AXIN1: variants seen among roughly 807,000 people sequenced by gnomAD.
AXIN1 encodes the protein axin-1.
In AXIN1, 30 loss-of-function variants were observed where a neutral mutation model predicts 76.4. The observed-to-expected ratio is 0.39, with a 90% CI of 0.29 to 0.53. The LOEUF is 0.53. Ranked by LOEUF, AXIN1 falls within the 20% of genes least tolerant of loss-of-function variation. The probability of loss-of-function intolerance (pLI) is 0.66; values close to 1 mark genes in which losing one functional copy is unlikely to be tolerated. For synonymous variants in AXIN1, 545 were observed against 501.4 expected, an observed-to-expected ratio of 1.09 and a Z score of -1.16; for missense variants, 1,140 against 1,198.8, an observed-to-expected ratio of 0.95 and a Z score of 0.72.
At position 291,189 on chromosome 16, in the gene AXIN1, C is replaced by T. The variant is rs760732758; in HGVS notation, c.2294+1G>A. On this transcript the variant is annotated splice_donor_variant, in intron 9 of 10. Transcript: ENST00000262320. LOFTEE classifies it high-confidence loss of function. ...CGGGAGGACCCTCAGGACGCACGTA[C>T]TCTGTCTCGGAGAGCTCCATGTCCG... 3.2e-6 allele frequency: 5 copies of T among 1,578,638 alleles called. No individual in the cohort carries two copies. Among genetic ancestry groups the T allele is most frequent in the African/African-American group, 1.3e-5 (1 of 74,588 alleles).
chr16:309,292 T>G (rs2053111139), intron 4 of AXIN1, among the ~76,000 whole-genome samples: 1 of 108,750 alleles, frequency 9.2e-6, no homozygotes, highest in Non-Finnish European at 1.9e-5. Flanking sequence ...AACTCCTATC[T>G]CAAAAAAAAA....
chr16:301,782 C>T (rs754755266), intron 5 of AXIN1, among the ~76,000 whole-genome samples: 1 of 152,118 alleles, frequency 6.6e-6, no homozygotes, highest in Non-Finnish European at 1.5e-5. Flanking sequence ...GGCCGGCGAC[C>T]GACACAACAA....
In AXIN1 at chr16:316,424, G is replaced by A. The variant is rs138131097; in HGVS notation, c.879-1741C>T. ...TCAAAGGCATGTGCCCCTTCCGGGCGCTCTGCTGTGCTGCCAACCAACTGG... is the reference window on the plus strand; with the variant it reads ...TCAAAGGCATGTGCCCCTTCCGGGCACTCTGCTGTGCTGCCAACCAACTGG... On this transcript the variant is annotated intron_variant, in intron 2 of 10. Coordinates refer to ENST00000262320, the MANE Select transcript of AXIN1 (RefSeq NM_003502.4). 2.9e-3 allele frequency among the ~76,000 whole-genome samples: 447 copies of A among 152,306 alleles called. 2 individuals carry two copies. Among genetic ancestry groups the A allele is most frequent in the African/African-American group, 0.01 (422 of 41,580 alleles).
intron 4 of AXIN1, 69 bp downstream of exon 4, chr16:309,904 G>A (rs1444263388): frequency 6.0e-6 from 9 of 1,506,242 alleles, no homozygotes; most frequent in African/African-American, 5.5e-5. Flanking sequence ...CCTTTCCCGC[G>A]GACCAGTTCA....
At chr16:342,949 C>T (rs2053958972) in intron 2 of AXIN1, among the ~76,000 whole-genome samples, 2 of 152,374 alleles carry the variant, frequency 1.3e-5, no homozygotes, top group Admixed American at 6.5e-5. Flanking sequence ...CCCTCACCTA[C>T]ACCTGGCAGG....
chr16:310,977 C>T (rs894698878), intron 3 of AXIN1, among the ~76,000 whole-genome samples: 1 of 152,238 alleles, frequency 6.6e-6, no homozygotes, highest in Non-Finnish European at 1.5e-5. Flanking sequence ...CAGGAGCTGG[C>T]AGGGCAGTGT....
At chr16:347,928 C>G (rs1421168528) in intron 1 of AXIN1, among the ~76,000 whole-genome samples, 1 of 152,196 alleles carries the variant, frequency 6.6e-6, no homozygotes, top group African/African-American at 2.4e-5. Context: ...ATGGGTACTT[C>G]AAGGAACAGA....
chr16:334,435 C>A (rs1423930746), intron 2 of AXIN1, among the ~76,000 whole-genome samples: 3 of 150,314 alleles, frequency 2.0e-5, no homozygotes, highest in Non-Finnish European at 4.4e-5. Flanking sequence ...TTACACAGCA[C>A]CCAATACCAC....
intron 2 of AXIN1, among the ~76,000 whole-genome samples, chr16:314,943 C>T (rs1390160787): frequency 2.0e-5 from 3 of 152,174 alleles, no homozygotes; most frequent in Non-Finnish European, 4.4e-5. Flanking sequence ...GGTGCACACA[C>T]AGAGCATCCA....
intron 7 of AXIN1, among the ~76,000 whole-genome samples, chr16:294,495 CG>C (rs1429400189): frequency 6.8e-6 from 1 of 146,452 alleles, no homozygotes; most frequent in African/African-American, 2.6e-5. Context: ...TGGCCAGGCG[CG>C]GTAATCCCAG....
At chr16:298,951 TAG>T (rs1342948638) in intron 5 of AXIN1, 1 of 420,976 alleles carries the variant, frequency 2.4e-6, no homozygotes, top group Non-Finnish European at 3.2e-6. Context: ...GTATTTTTAG[TAG>T]AGACAGGATT....
At chr16:305,090 G>T (rs1252333145) in intron 4 of AXIN1, among the ~76,000 whole-genome samples, 1 of 152,236 alleles carries the variant, frequency 6.6e-6, no homozygotes, top group Non-Finnish European at 1.5e-5. Context: ...GGTGTGAGCA[G>T]AAGGCCCCCG....
intron 2 of AXIN1, among the ~76,000 whole-genome samples, chr16:345,896 C>G (rs2054023585): frequency 6.6e-6 from 1 of 152,206 alleles, no homozygotes; most frequent in Admixed American, 6.5e-5. Context: ...TCTAAGAATT[C>G]CGATGTTCCT....
chr16:296,420 G>A (rs979507967), intron 7 of AXIN1, among the ~76,000 whole-genome samples: 2 of 152,256 alleles, frequency 1.3e-5, no homozygotes, highest in East Asian at 1.9e-4. Context: ...ACCACGACAG[G>A]AAGGTGGGGG....
chr16:345,488 G>A (rs2054015543), intron 2 of AXIN1, among the ~76,000 whole-genome samples: 1 of 152,230 alleles, frequency 6.6e-6, no homozygotes, highest in Admixed American at 6.5e-5. Flanking sequence ...GCCGAGGCAG[G>A]CAGATCACCT....
Position 289,563 on chromosome 16 carries a change from C to A in AXIN1, c.2339G>T (p.Cys780Phe). ...GTAGTACGCCACAACGATGCTGTCACACGGCTGGGCACTCCCGCCGCCCAC... is the reference window on the plus strand; with the variant it reads ...GTAGTACGCCACAACGATGCTGTCAAACGGCTGGGCACTCCCGCCGCCCAC... ...RKVGGGSAQP[C>F]DSIVVAYYFC... Residue 780 changes from cysteine (C) to phenylalanine (F), a missense_variant, in exon 10 of 11, where the codon TGT (cysteine) becomes TTT (phenylalanine). Physicochemically the swap from Cys to Phe is radical, Grantham distance 205 (BLOSUM62 -2). This residue lies in a region of AXIN1 where 429 missense variants were observed against 405.8 expected (regional missense o/e 1.06). Transcript: ENST00000262320. 6.2e-7 allele frequency: 1 copy of A among 1,613,006 alleles called. No homozygotes were observed. The highest frequency in any genetic ancestry group is 8.5e-7 in the Non-Finnish European group (1 of 1,180,014).
At chr16:322,734 T>C (rs555367105) in intron 2 of AXIN1, among the ~76,000 whole-genome samples, 58 of 152,202 alleles carry the variant, frequency 3.8e-4, no homozygotes, top group Non-Finnish European at 6.6e-4. Flanking sequence ...GGGACCCTCT[T>C]CATTTTCTGG....
chr16:311,647 T>C (rs1409406515), intron 3 of AXIN1, among the ~76,000 whole-genome samples: 1 of 152,062 alleles, frequency 6.6e-6, no homozygotes, highest in African/African-American at 2.4e-5. Context: ...GGCGAGTGCC[T>C]GTAGTCCCAG....
chr16:306,798 C>T (rs1186530173), intron 4 of AXIN1, among the ~76,000 whole-genome samples: 2 of 152,200 alleles, frequency 1.3e-5, no homozygotes, highest in African/African-American at 4.8e-5. Flanking sequence ...CCGTGCACAG[C>T]GCCAGGAAGG....
Sources: gnomAD v4.1 joint callset for allele counts (sites outside exome capture counted in the v4.1 genomes callset) on GRCh38, gnomAD v4.1.1 for gene constraint, gnomAD v4.1.1 regional missense constraint, MANE v1.5 for transcripts, NCBI Gene and HGNC (gene_info 2026-07-23, HGNC 2026-07-21) for gene names.